Variants in KCNMA1 observed in about 807,000 individuals in gnomAD.
The protein encoded by KCNMA1 is Calcium-activated potassium channel subunit alpha-1.
In KCNMA1, 29 loss-of-function variants were observed where a neutral mutation model predicts 140.0. That is an observed-to-expected ratio of 0.21 (90% CI 0.15 to 0.28). The LOEUF is 0.28. KCNMA1 is among the 10% of genes least tolerant of loss of function. KCNMA1 has a pLI of 1.00. For missense variants in KCNMA1, 880 were observed against 1,602.2 expected (o/e 0.55, Z 7.70); for synonymous variants, 612 against 611.9 (o/e 1.00, Z 0.00).
chr10:76,903,827 C>G (rs1386898245), intron 25 of KCNMA1: 1 of 152,136 alleles, frequency 6.6e-6, no homozygotes, highest in Non-Finnish European at 1.5e-5. Context: ...ACGGTCACAC[C>G]CTCCAGTCTT....
rs546859238 is a variant in KCNMA1, at chr10:77,208,434, A to T, written c.603-23518T>A. Among the ~76,000 whole-genome samples the T allele has an allele frequency of 7.2e-5, 11 of 152,324 alleles. No individual in the cohort carries two copies. The South Asian group carries it at 2.3e-3, about 32-fold the overall frequency. The stretch of plus-strand genomic sequence containing the variant: ...AGCCCAGAAGTTTGAGACTGCAGTA[A>T]GTTATGATCACACAACTCCAGCCTG... On this transcript the variant is annotated intron_variant, in intron 3 of 27. Transcript: ENST00000286628.
intron 1 of KCNMA1, among the ~76,000 whole-genome samples, chr10:77,602,279 C>G (rs1178259313): frequency 6.6e-6 from 1 of 152,084 alleles, no homozygotes. Context: ...TAGGGGTTCA[C>G]TATTGTAGCA....
At chr10:77,625,106 A>G (rs908501077) in intron 1 of KCNMA1, among the ~76,000 whole-genome samples, 2 of 152,206 alleles carry the variant, frequency 1.3e-5, no homozygotes, top group Non-Finnish European at 2.9e-5. Context: ...AAAATGTACC[A>G]TCTTAGGCTG....
chr10:77,504,391 G>A (rs1452211628), intron 1 of KCNMA1, among the ~76,000 whole-genome samples: 1 of 152,092 alleles, frequency 6.6e-6, no homozygotes, highest in Non-Finnish European at 1.5e-5. Flanking sequence ...GCCATGGAGT[G>A]GGAAGGCAGT....
intron 2 of KCNMA1, among the ~76,000 whole-genome samples, chr10:77,264,364 G>A (rs188683548): frequency 3.9e-5 from 6 of 152,294 alleles, no homozygotes; most frequent in South Asian, 4.2e-4. Flanking sequence ...TGAGAATGTG[G>A]TCAGGTAACC....
At chr10:77,343,579 T>C (rs1287171718) in intron 2 of KCNMA1, among the ~76,000 whole-genome samples, 1 of 152,186 alleles carries the variant, frequency 6.6e-6, no homozygotes, top group East Asian at 1.9e-4. Context: ...AACCAGATAC[T>C]GCTGTAGGCA....
intron 14 of KCNMA1, among the ~76,000 whole-genome samples, chr10:77,060,834 A>T (rs1331078650): frequency 1.3e-5 from 2 of 152,170 alleles, no homozygotes; most frequent in Admixed American, 6.5e-5. Flanking sequence ...ATGGAAGCAC[A>T]ATGTTGGAGT....
At chr10:76,973,484 A>G (rs553145243) in intron 19 of KCNMA1, among the ~76,000 whole-genome samples, 18 of 152,352 alleles carry the variant, frequency 1.2e-4, no homozygotes, top group African/African-American at 4.3e-4. Flanking sequence ...GGTTTGCGCT[A>G]GAGTTTAATT....
chr10:76,924,569 A>G (rs920108451), intron 23 of KCNMA1, among the ~76,000 whole-genome samples: 5 of 152,188 alleles, frequency 3.3e-5, no homozygotes, highest in African/African-American at 1.2e-4. Flanking sequence ...ATGGGTTGAG[A>G]GCAGCTGATG....
At chr10:76,878,176 A>AATG (rs2032918517) in intron 29 of KCNMA1, among the ~76,000 whole-genome samples, 1 of 152,132 alleles carries the variant, frequency 6.6e-6, no homozygotes, top group Admixed American at 6.5e-5. Flanking sequence ...GGACTCTGGC[A>AATG]ATGTCCCTTG....
intron 2 of KCNMA1, chr10:77,350,251 T>C (rs1004472349): frequency 3.3e-5 from 5 of 152,216 alleles, no homozygotes; most frequent in African/African-American, 1.2e-4. Flanking sequence ...CACCACACTT[T>C]ACAGGCACAA....
intron 1 of KCNMA1, among the ~76,000 whole-genome samples, chr10:77,439,580 C>T (rs1321084673): frequency 6.6e-6 from 1 of 152,164 alleles, no homozygotes; most frequent in Non-Finnish European, 1.5e-5. Flanking sequence ...GAAAAGCTCA[C>T]CACCCCAAAA....
chr10:77,626,217 GT>G (rs369506359), intron 1 of KCNMA1, among the ~76,000 whole-genome samples: 2,016 of 144,656 alleles, frequency 0.014, 16 homozygotes, highest in East Asian at 0.036. Context: ...AAATGATTGG[GT>G]TTTTTTTTTT....
intron 1 of KCNMA1, among the ~76,000 whole-genome samples, chr10:77,597,461 C>G (rs972672558): frequency 1.3e-5 from 2 of 152,026 alleles, no homozygotes; most frequent in African/African-American, 4.8e-5. Flanking sequence ...ACACATGTAA[C>G]AAATATCACA....
intron 2 of KCNMA1, among the ~76,000 whole-genome samples, chr10:77,353,982 T>TGGGGGGGGGGGGGGGG (rs2093208350): frequency 1.3e-4 from 2 of 15,974 alleles, no homozygotes; most frequent in African/African-American, 3.8e-4. Context: ...GGGGGGGGGG[T>TGGGGGGGGGGGGGGGG]GGTGGGGGTG....
intron 2 of KCNMA1, among the ~76,000 whole-genome samples, chr10:77,314,923 AAC>A (rs3998084): frequency 0.17 from 24,430 of 145,920 alleles, 2,115 homozygotes; most frequent in Admixed American, 0.22. Flanking sequence ...CCACACCCCC[AAC>A]ACACACACAC....
At chr10:77,311,571 C>A (rs2079299012) in intron 2 of KCNMA1, among the ~76,000 whole-genome samples, 1 of 152,152 alleles carries the variant, frequency 6.6e-6, no homozygotes, top group Non-Finnish European at 1.5e-5. Context: ...CAGCTCTGAA[C>A]TTTGTTTTTA....
chr10:77,482,318 G>A (rs980259061), intron 1 of KCNMA1, among the ~76,000 whole-genome samples: 45 of 152,266 alleles, frequency 3.0e-4, no homozygotes, highest in East Asian at 7.7e-4. Context: ...TGGGTCCCAG[G>A]GCCAAAGGTT....
chr10:77,556,631 T>C (rs2064573716), intron 1 of KCNMA1, among the ~76,000 whole-genome samples: 1 of 151,948 alleles, frequency 6.6e-6, no homozygotes, highest in African/African-American at 2.4e-5. Flanking sequence ...GTGATTATGC[T>C]GCATCTGGTG....
Sources: allele counts gnomAD v4.1 joint callset (sites outside exome capture counted in the v4.1 genomes callset), GRCh38; gene constraint gnomAD v4.1.1; transcripts MANE v1.5; gene names NCBI Gene and HGNC (gene_info 2026-07-23, HGNC 2026-07-21).